The following LIG1 variants were observed in gnomAD, a reference collection of about 807,000 sequenced individuals.
LIG1 encodes the protein ligase I, DNA, ATP-dependent.
Under a neutral mutation model 115.7 loss-of-function variants are expected in LIG1, and 70 were observed. That is an observed-to-expected ratio of 0.60 (90% CI 0.50 to 0.74). LIG1 has a LOEUF of 0.74. Ranked by LOEUF, LIG1 falls within the 30% of genes least tolerant of loss-of-function variation. The probability of loss-of-function intolerance (pLI) is 0.00; values close to 1 mark genes in which losing one functional copy is unlikely to be tolerated. For missense variants in LIG1, 1,115 were observed against 1,225.6 expected (o/e 0.91, Z 1.35); for synonymous variants, 487 against 495.3 (o/e 0.98, Z 0.22).
chr19:48,123,566 G>A (rs979623338), intron 21 of LIG1: 4 of 566,322 alleles, frequency 7.1e-6, no homozygotes, highest in Admixed American at 3.0e-5. Context: ...GGGGGGCTGC[G>A]GCCTTGCTGG....
At chr19:48,139,171 G>A (rs959684389) in intron 12 of LIG1, among the ~76,000 whole-genome samples, 4 of 152,184 alleles carry the variant, frequency 2.6e-5, no homozygotes, top group African/African-American at 9.6e-5. Context: ...CCTCAGACCC[G>A]TTTCCAAACT....
chr19:48,137,032 T>A lies in LIG1; in HGVS notation c.1307A>T (p.His436Leu), dbSNP rs2034435691. ...CCTAGCGATGAACCGGGCTTCTGAG[T>A]GGCGGCAGGCCACAAAGAGGCCTTT... Reference protein sequence around the residue: ...IIKGLFVACRHSEARFIARSL... With the variant: ...IIKGLFVACRLSEARFIARSL... The change falls in exon 14 of 28, where the codon CAC becomes CTC. Residue 436 changes from histidine to leucine, a missense_variant. Physicochemically the swap from His to Leu is moderately conservative, Grantham distance 99 (BLOSUM62 -3). Transcript: ENST00000263274. This position sits in a 1 kb window ranked among gnomAD's most constrained non-coding sequence, Gnocchi z 4.3. 3.7e-6 allele frequency: 6 copies of A among 1,612,218 alleles called. No individual in the cohort carries two copies. In the South Asian group the frequency reaches 5.5e-5, roughly 15 times the overall value.
chr19:48,157,810 C>T (rs948076885), intron 4 of LIG1, among the ~76,000 whole-genome samples: 20 of 152,276 alleles, frequency 1.3e-4, no homozygotes, highest in African/African-American at 4.1e-4. Flanking sequence ...GCCTCCAGAG[C>T]ACTGAGAATA....
At chr19:48,123,854 T>TAA (rs1555766307) in intron 21 of LIG1, among the ~76,000 whole-genome samples, 66 of 137,272 alleles carry the variant, frequency 4.8e-4, no homozygotes, top group African/African-American at 1.2e-3. Context: ...CCAAGATAAT[T>TAA]AAAAAAAAAA....
intron 1 of LIG1, among the ~76,000 whole-genome samples, chr19:48,168,121 T>A (rs1203922179): frequency 1.3e-5 from 2 of 152,150 alleles, no homozygotes; most frequent in Non-Finnish European, 2.9e-5. Flanking sequence ...GAACTTAACC[T>A]GCATCTATAG....
chr19:48,143,806 A>C, intron 10 of LIG1, 77 bp downstream of exon 10: 7 of 1,325,024 alleles, frequency 5.3e-6, no homozygotes, highest in Non-Finnish European at 7.6e-6. Context: ...CATTTCTCCC[A>C]ACCAAGACTC....
rs920253029 is a variant in LIG1, at chr19:48,150,283, C to T, written c.575-73G>A. ...ACTTTTTTTTTCTTTTTTTTTACCC[C>T]CAAGATCATTCTGACCCTGCAGATG... On this transcript the variant is annotated intron_variant, in intron 7 of 27. Transcript: ENST00000263274. 3.7e-6 allele frequency: 6 copies of T among 1,602,252 alleles called. No individual in the cohort carries two copies. The Admixed American group carries it at 8.4e-5, about 22-fold the overall frequency.
intron 3 of LIG1, 83 bp downstream of exon 3, chr19:48,162,179 T>C (rs2036217974): frequency 6.8e-6 from 9 of 1,327,360 alleles, no homozygotes; most frequent in Non-Finnish European, 9.8e-6. Context: ...CAAGACATTT[T>C]GCATTAGGTT....
rs369840572 is a variant in LIG1 at position 48,127,414 on chromosome 19, G to A, written c.1933-66C>T. 61 of 1,409,382 alleles carry A rather than the reference G, an allele frequency of 4.3e-5. No homozygotes were observed. In the East Asian group the frequency reaches 5.3e-4, roughly 12 times the overall value. 87.3% of individuals were successfully genotyped at this position (1,409,382 alleles called of 1,614,324 possible). ...GAGACGGGGCACTGTGCCTGAGGCC[G>A]ACAGCATTCATCTACCGGTCTCCCT... On this transcript the variant is annotated intron_variant, in intron 20 of 27. Coordinates refer to ENST00000263274, the MANE Select transcript of LIG1 (RefSeq NM_000234.3).
chr19:48,162,966 G>A (rs965864000), intron 2 of LIG1, among the ~76,000 whole-genome samples: 9 of 152,002 alleles, frequency 5.9e-5, no homozygotes, highest in Middle Eastern at 3.4e-3. Flanking sequence ...CCAGGCTAGA[G>A]TGCAATGGTG....
intron 7 of LIG1, 74 bp from the exon 8 acceptor site, chr19:48,150,284 C>T: frequency 6.3e-7 from 1 of 1,599,648 alleles, no homozygotes; most frequent in South Asian, 1.1e-5. Flanking sequence ...TTTTTACCCC[C>T]AAGATCATTC....
rs561137392 is a variant in LIG1 at position 48,142,442 on chromosome 19, C to CAAAAAAAAAAAAAAAAAAAAAAAAA, written c.914+1100_914+1101insTTTTTTTTTTTTTTTTTTTTTTTTT. Among the ~76,000 whole-genome samples, 68 of 75,554 alleles carry CAAAAAAAAAAAAAAAAAAAAAAAAA rather than the reference C, an allele frequency of 9.0e-4. 1 individual carries two copies. The highest frequency in any genetic ancestry group is 1.1e-3 in the Non-Finnish European group (43 of 38,530). The allele number at this position is 75,554 out of a possible 152,430, so 49.6% of individuals were successfully genotyped here. A position where few individuals can be genotyped will look rare whatever the true frequency, so the allele number is the denominator to read the frequency against. On this transcript the variant is annotated intron_variant, in intron 11 of 27. Coordinates refer to ENST00000263274, the MANE Select transcript of LIG1 (RefSeq NM_000234.3). Reference sequence around the variant, plus strand: ...TGGGCAACAGAGCAAGACTCCATCTCAAAAAAAAAAAAAAACAGAGTGCTG... The same window carrying CAAAAAAAAAAAAAAAAAAAAAAAAA: ...TGGGCAACAGAGCAAGACTCCATCTCAAAAAAAAAAAAAAAAAAAAAAAAAAAAAAAAAAAAAAAACAGAGTGCTG...
chr19:48,135,826 G>T, intron 15 of LIG1, 47 bp from the exon 16 acceptor site: 1 of 1,523,278 alleles, frequency 6.6e-7, no homozygotes, highest in Non-Finnish European at 9.1e-7. Flanking sequence ...CACATCCTTG[G>T]CTACACCAGG....
rs377453650 is a variant in LIG1, at chr19:48,143,374, G to C, written c.914+169C>G. On this transcript the variant is annotated intron_variant, in intron 11 of 27. Transcript: ENST00000263274. ...ATGAGAATGAGGCAGAAAGTCAAGA[G>C]GACCTGCAGCCGCTTTTGTGACCAT... Among the ~76,000 whole-genome samples, 33 of 152,320 alleles carry C rather than the reference G, an allele frequency of 2.2e-4. 2 individuals are homozygous for C. The South Asian group carries it at 6.0e-3, about 28-fold the overall frequency.
chr19:48,115,714 T>G lies in LIG1; in HGVS notation c.2695A>C (p.Lys899Gln). ...TGTTGGTTCTGAATCTGACTTTGCT[T>G]CCGGTACAAACAGGCCACCTGCGGA... ...TSAQVACLYR[K>Q]QSQIQNQQGE... Residue 899 changes from lysine to glutamine, a missense_variant, in exon 28 of 28, where the codon AAG becomes CAG. Lys to Gln is a moderately conservative substitution (Grantham distance 53). Coordinates refer to ENST00000263274, the MANE Select transcript of LIG1 (RefSeq NM_000234.3). 1 of 1,614,074 alleles carries G rather than the reference T, an allele frequency of 6.2e-7. No individual in the cohort carries two copies. The highest frequency in any genetic ancestry group is 8.5e-7 in the Non-Finnish European group (1 of 1,179,964).
chr19:48,132,774 G>A (rs1283294988), intron 18 of LIG1, among the ~76,000 whole-genome samples: 1 of 115,236 alleles, frequency 8.7e-6, no homozygotes, highest in African/African-American at 3.6e-5. Context: ...CTGGATGACA[G>A]AGTGAGACTC....
chr19:48,143,559 C>A lies in LIG1; in HGVS notation c.898G>T (p.Glu300Ter). ...LAVARTFEKI[E>*]EVSARLRMVE... ...ATTAGTTACCGAGCAGACACCTCCTCGATCTTCTCAAACGTCCGGGCCACA... is the reference window on the plus strand; with the variant it reads ...ATTAGTTACCGAGCAGACACCTCCTAGATCTTCTCAAACGTCCGGGCCACA... The change falls in exon 11 of 28, where the codon GAG (glutamate) becomes TAG (stop). Residue 300 changes from glutamate (E) to a stop codon, truncating the protein, a stop_gained. Coordinates refer to ENST00000263274, the MANE Select transcript of LIG1 (RefSeq NM_000234.3). LOFTEE classifies it high-confidence loss of function. The A allele has an allele frequency of 6.9e-7, 1 of 1,457,484 alleles. No homozygotes were observed. Among genetic ancestry groups the A allele is most frequent in the Non-Finnish European group, 9.2e-7 (1 of 1,081,922 alleles). The allele number at this position is 1,457,484 out of a possible 1,614,324, so 90.3% of individuals were successfully genotyped here. A position where few individuals can be genotyped will look rare whatever the true frequency, so the allele number is the denominator to read the frequency against.
rs745397787 is a variant in LIG1, at chr19:48,140,066, A to G, written c.992T>C (p.Leu331Pro). The G allele has an allele frequency of 6.2e-7, 1 of 1,614,030 alleles. No individual in the cohort carries two copies. Among genetic ancestry groups the G allele is most frequent in the Admixed American group, 1.7e-5 (1 of 60,018 alleles). ...CCCAAGGTGGTTGAGGCTGAGGTAG[A>G]GGACAGGGAGGAGGTCTGGAGGCGA... Reference protein sequence around the residue: ...ALSPPDLLPVLYLSLNHLGPP... With the variant: ...ALSPPDLLPVPYLSLNHLGPP... Residue 331 changes from leucine to proline, a missense_variant, in exon 12 of 28, where the codon CTC becomes CCC. Leu to Pro is a moderately conservative substitution (Grantham distance 98, BLOSUM62 -3). Transcript: ENST00000263274.
intron 12 of LIG1, among the ~76,000 whole-genome samples, chr19:48,138,081 T>C (rs908897046): frequency 2.0e-5 from 3 of 152,062 alleles, no homozygotes; most frequent in Non-Finnish European, 2.9e-5. Flanking sequence ...CATGAACATC[T>C]CTGGCAGTGA....
Sources: gnomAD v4.1 joint callset for allele counts (sites outside exome capture counted in the v4.1 genomes callset) on GRCh38, gnomAD v4.1.1 for gene constraint, Gnocchi (gnomAD v3.1) non-coding constraint, MANE v1.5 for transcripts, NCBI Gene and HGNC (gene_info 2026-07-23, HGNC 2026-07-21) for gene names.